Variants in SPTBN4 observed in about 807,000 individuals in gnomAD.
SPTBN4 encodes the protein spectrin beta, non-erythrocytic 4, also known as spectrin beta chain, non-erythrocytic 4.
SPTBN4 carries 96 observed loss-of-function variants against 277.8 expected under a neutral mutation model. The ratio of observed to expected loss-of-function variants is 0.35; its 90% CI spans 0.29 to 0.41. SPTBN4 has a LOEUF of 0.41. Ranked by LOEUF, SPTBN4 falls within the 10% of genes least tolerant of loss-of-function variation. The probability of loss-of-function intolerance (pLI) is 1.00; values close to 1 mark genes in which losing one functional copy is unlikely to be tolerated. For missense variants in SPTBN4, 3,006 were observed against 3,595.7 expected (o/e 0.84, Z 4.19); for synonymous variants, 1,481 against 1,580.3 (o/e 0.94, Z 1.49).
In SPTBN4 at chr19:40,548,590, C is replaced by T. The variant is rs1009751786; in HGVS notation, c.4360-599C>T. 4.6e-5 allele frequency among the ~76,000 whole-genome samples: 7 copies of T among 152,120 alleles called. No individual in the cohort carries two copies. In the East Asian group the frequency reaches 1.2e-3, roughly 25 times the overall value. On this transcript the variant is annotated intron_variant, in intron 20 of 35. Coordinates refer to ENST00000598249, the MANE Select transcript of SPTBN4 (RefSeq NM_020971.3). Reference sequence around the variant, plus strand: ...ATTAGCCGGGCATGATGGCAGGTGCCTGTAATCCCAGCTACTCAGGAGGCT... The same window carrying T: ...ATTAGCCGGGCATGATGGCAGGTGCTTGTAATCCCAGCTACTCAGGAGGCT...
At chr19:40,538,557 A>T (rs908662482) in intron 20 of SPTBN4, among the ~76,000 whole-genome samples, 7 of 152,120 alleles carry the variant, frequency 4.6e-5, no homozygotes, top group Non-Finnish European at 8.8e-5. Flanking sequence ...ACAGGGCTCC[A>T]TGCTTGGTTT....
intron 25 of SPTBN4, among the ~76,000 whole-genome samples, chr19:40,556,520 T>G (rs932489309): frequency 6.6e-6 from 1 of 152,218 alleles, no homozygotes; most frequent in African/African-American, 2.4e-5. Flanking sequence ...TTATTGTTAT[T>G]TTTATTGTTA....
At chr19:40,517,583 C>G (rs953023987) in intron 15 of SPTBN4, among the ~76,000 whole-genome samples, 2 of 152,226 alleles carry the variant, frequency 1.3e-5, no homozygotes, top group Admixed American at 1.3e-4. Context: ...GCATGAGCCA[C>G]TCTGCCCCAC....
chr19:40,515,870 G>A lies in SPTBN4; in HGVS notation c.2903+422G>A, dbSNP rs943233201. 1.0e-4 allele frequency among the ~76,000 whole-genome samples: 13 copies of A among 124,040 alleles called. No homozygotes were observed. Among genetic ancestry groups the A allele is most frequent in the East Asian group, 4.2e-4 (2 of 4,740 alleles). The allele number at this position is 124,040 out of a possible 152,430, so 81.4% of individuals were successfully genotyped here. On this transcript the variant is annotated intron_variant, in intron 15 of 35. Coordinates refer to ENST00000598249, the MANE Select transcript of SPTBN4 (RefSeq NM_020971.3). This position sits in a 1 kb window ranked among gnomAD's most constrained non-coding sequence, Gnocchi z 4.1. ...AAACCCCGTCTCTCTCTCTACGTGC[G>A]CGCACACACACACACACACACACAC... is the stretch of plus-strand genomic sequence containing the variant.
intron 21 of SPTBN4, among the ~76,000 whole-genome samples, chr19:40,549,938 G>A (rs1221874462): frequency 6.6e-6 from 1 of 152,212 alleles, no homozygotes; most frequent in Non-Finnish European, 1.5e-5. Flanking sequence ...GGCCAACGGT[G>A]TGAGCCTGGC....
Position 40,566,259 on chromosome 19 carries a change from G to C in SPTBN4, c.6236G>C (p.Ser2079Thr). The C allele has an allele frequency of 1.3e-6, 2 of 1,575,262 alleles. No homozygotes were observed. Among genetic ancestry groups the C allele is most frequent in the Admixed American group, 3.7e-5 (2 of 54,242 alleles). The change falls in exon 30 of 36, where the codon AGC becomes ACC. Residue 2079 changes from serine to threonine, a missense_variant. Around this residue, in one of 5 missense-constraint regions of SPTBN4, gnomAD observed 425 missense variants for 594.7 expected, o/e 0.71. Coordinates refer to ENST00000598249, the MANE Select transcript of SPTBN4 (RefSeq NM_020971.3). ...PLLQSRELGS[S>T]VDEVEQLIRR... ...CTGCAGAGCCGGGAGCTGGGCAGCA[G>C]CGTGGATGAGGTGGAGCAGCTTATC...
intron 14 of SPTBN4, among the ~76,000 whole-genome samples, chr19:40,514,148 G>T (rs1415004866): frequency 1.3e-5 from 2 of 152,284 alleles, no homozygotes; most frequent in Admixed American, 1.3e-4. Flanking sequence ...TTCCCCCTCT[G>T]CACCACTCTG....
At chr19:40,566,889 T>G (rs2081097439) in intron 30 of SPTBN4, among the ~76,000 whole-genome samples, 1 of 151,102 alleles carries the variant, frequency 6.6e-6, no homozygotes, top group African/African-American at 2.4e-5. Flanking sequence ...CACTTGAACT[T>G]GGGAGGCAGA....
intron 13 of SPTBN4, 37 bp from the exon 14 acceptor site, chr19:40,512,569 G>C: frequency 6.7e-7 from 1 of 1,490,802 alleles, no homozygotes; most frequent in Non-Finnish European, 8.9e-7. Context: ...CCCTTGGCTT[G>C]TGACCAATCC....
chr19:40,482,030 A>G (rs2080018208), intron 2 of SPTBN4, among the ~76,000 whole-genome samples: 1 of 150,852 alleles, frequency 6.6e-6, no homozygotes. Flanking sequence ...TCCGCCTCCC[A>G]AGTTCAAGCA....
In SPTBN4 at chr19:40,513,273, C is replaced by A. The variant is rs753868706; in HGVS notation, c.2484C>A (p.Pro828=). The change falls in exon 14 of 36, where the codon CCC becomes CCA. Residue 828 remains proline (P), a synonymous_variant. Transcript: ENST00000598249. ...GGGAGGTGGAGGCACATCGCGGGCC[C>A]GTGAGCGGCCTGCGGCGCCAGCTGG... The part of the protein sequence containing the change: ...LTGEVEAHRG[P]VSGLRRQLAT... The A allele has an allele frequency of 2.0e-6, 3 of 1,533,976 alleles. No homozygotes were observed. Among genetic ancestry groups the A allele is most frequent in the African/African-American group, 1.4e-5 (1 of 72,820 alleles).
At chr19:40,567,110 C>T (rs964496410) in intron 30 of SPTBN4, 3 of 454,704 alleles carry the variant, frequency 6.6e-6, no homozygotes, top group African/African-American at 4.0e-5. Context: ...ACTGAGAAGC[C>T]GTCTCTACCA....
chr19:40,490,829 A>G lies in SPTBN4; in HGVS notation c.495+581A>G, dbSNP rs1390575416. On this transcript the variant is annotated intron_variant, in intron 4 of 35. Transcript: ENST00000598249. The surrounding 1 kb of genome is among the most constrained non-coding windows in gnomAD (Gnocchi z 4.3). ...TTTGCGAGGCTGAGATGGGAGGAAC[A>G]CTAAGGCCAGGAGTTTGAGACCAGC... Among the ~76,000 whole-genome samples the G allele has an allele frequency of 2.0e-5, 3 of 152,186 alleles. No individual in the cohort carries two copies. Among genetic ancestry groups the G allele is most frequent in the African/African-American group, 7.2e-5 (3 of 41,454 alleles).
intron 2 of SPTBN4, among the ~76,000 whole-genome samples, chr19:40,486,371 CT>C (rs540832411): frequency 3.6e-3 from 506 of 141,302 alleles, no homozygotes; most frequent in Admixed American, 4.4e-3. Context: ...GGTGCAGCAA[CT>C]TTTTTTTTTT....
At chr19:40,473,098 G>T (rs2079905210) in intron 2 of SPTBN4, among the ~76,000 whole-genome samples, 1 of 151,982 alleles carries the variant, frequency 6.6e-6, no homozygotes, top group Non-Finnish European at 1.5e-5. Context: ...CCCGGCTGGG[G>T]TGTAGTGGTG....
rs1352537015 is a variant in SPTBN4, at chr19:40,520,109, C to A, written c.3612C>A (p.Phe1204Leu). The stretch of plus-strand genomic sequence containing the variant: ...TCCAGGCGCACATCTACCAGCTCTT[C>A]CTGCGGGATCTACGCCAGGCGCTCG... The part of the protein sequence containing the change: ...ALVQAHIYQL[F>L]LRDLRQALVV... The change falls in exon 16 of 36, where the codon TTC (phenylalanine) becomes TTA (leucine). Residue 1204 changes from phenylalanine (F) to leucine (L), a missense_variant. Around this residue, in one of 5 missense-constraint regions of SPTBN4, gnomAD observed 1,759 missense variants for 2,061.5 expected, o/e 0.85. Coordinates refer to ENST00000598249, the MANE Select transcript of SPTBN4 (RefSeq NM_020971.3). 1 of 1,469,914 alleles carries A rather than the reference C, an allele frequency of 6.8e-7. No individual in the cohort carries two copies. The highest frequency in any genetic ancestry group is 9.0e-7 in the Non-Finnish European group (1 of 1,112,478). The allele number at this position is 1,469,914 out of a possible 1,614,324, so 91.1% of individuals were successfully genotyped here.
At chr19:40,511,281 G>A (rs944232860) in intron 13 of SPTBN4, among the ~76,000 whole-genome samples, 4 of 151,750 alleles carry the variant, frequency 2.6e-5, no homozygotes, top group African/African-American at 7.3e-5. Context: ...GGTGGCACGC[G>A]CCTGTAATCC....
chr19:40,534,002 C>A (rs934436236), intron 19 of SPTBN4, 78 bp from the exon 20 acceptor site: 2 of 1,476,146 alleles, frequency 1.4e-6, no homozygotes, highest in Non-Finnish European at 1.8e-6. Flanking sequence ...TGTGTCCTGT[C>A]ACTCTCCCAC....
chr19:40,517,702 C>T (rs892872866), intron 15 of SPTBN4, among the ~76,000 whole-genome samples: 1 of 152,194 alleles, frequency 6.6e-6, no homozygotes, highest in Admixed American at 6.5e-5. Flanking sequence ...AAAATAACTA[C>T]AATCATAACG....
Sources: allele counts gnomAD v4.1 joint callset (sites outside exome capture counted in the v4.1 genomes callset), GRCh38; gene constraint gnomAD v4.1.1; regional missense constraint gnomAD v4.1.1; non-coding constraint Gnocchi (gnomAD v3.1); transcripts MANE v1.5; gene names NCBI Gene and HGNC (gene_info 2026-07-23, HGNC 2026-07-21).